RNF220: variants seen among roughly 807,000 people sequenced by gnomAD.
RNF220 encodes E3 ubiquitin-protein ligase RNF220.
RNF220 carries 7 observed loss-of-function variants against 67.1 expected under a neutral mutation model. The ratio of observed to expected loss-of-function variants is 0.10; its 90% CI spans 0.06 to 0.20. The LOEUF (loss-of-function observed/expected upper bound fraction) is 0.20, where lower values mean the gene tolerates loss of function less well. Ranked by LOEUF, RNF220 falls within the 10% of genes least tolerant of loss-of-function variation. The pLI is 1.00. For synonymous variants in RNF220, 270 were observed against 283.2 expected (o/e 0.95, Z 0.47); for missense variants, 565 against 740.3 (o/e 0.76, Z 2.75).
chr1:44,555,215 A>ACGACAC (rs1321141078), intron 2 of RNF220, among the ~76,000 whole-genome samples: 1 of 151,900 alleles, frequency 6.6e-6, no homozygotes, highest in Non-Finnish European at 1.5e-5. Context: ...CCACAGGCAC[A>ACGACAC]CGACACCACG....
chr1:44,637,862 G>A (rs973783293), intron 8 of RNF220, among the ~76,000 whole-genome samples: 7 of 152,250 alleles, frequency 4.6e-5, no homozygotes, highest in Non-Finnish European at 8.8e-5. Context: ...AACAGGGGCC[G>A]GAGGTGCCTT....
At chr1:44,641,749 A>T (rs759917975) in intron 8 of RNF220, among the ~76,000 whole-genome samples, 2 of 152,250 alleles carry the variant, frequency 1.3e-5, no homozygotes, top group Non-Finnish European at 1.5e-5. Context: ...AATTGGCAGC[A>T]GCAGCCTGTT....
At position 44,614,105 on chromosome 1, in the gene RNF220, T is replaced by C. The variant is rs570474861; in HGVS notation, c.626-60T>C. 6.5e-5 allele frequency: 104 copies of C among 1,602,988 alleles called. No individual in the cohort carries two copies. The South Asian group carries it at 1.1e-3, about 16-fold the overall frequency. ...GGCTTGGGTTTCAGGACTGGGATGC[T>C]GGGTCTGCCTCCTGGACTAGCCCAG... On this transcript the variant is annotated intron_variant, in intron 2 of 14. Transcript: ENST00000361799.
chr1:44,559,378 T>C (rs1190116384), intron 2 of RNF220, among the ~76,000 whole-genome samples: 1 of 152,250 alleles, frequency 6.6e-6, no homozygotes, highest in Middle Eastern at 3.2e-3. Context: ...TGCTAAGCTT[T>C]TTCCTGGGAA....
intron 2 of RNF220, among the ~76,000 whole-genome samples, chr1:44,493,007 C>T (rs1656994194): frequency 6.6e-6 from 1 of 151,936 alleles, no homozygotes; most frequent in East Asian, 1.9e-4. Context: ...TTCTTCTTGC[C>T]TCAGCTTCCT....
intron 2 of RNF220, among the ~76,000 whole-genome samples, chr1:44,596,337 G>A (rs1304951312): frequency 6.6e-6 from 1 of 152,166 alleles, no homozygotes; most frequent in Admixed American, 6.5e-5. Context: ...TGAGGCAGGT[G>A]GATCACCTGA....
intron 2 of RNF220, among the ~76,000 whole-genome samples, chr1:44,541,152 G>A (rs1661641265): frequency 6.6e-6 from 1 of 152,320 alleles, no homozygotes; most frequent in East Asian, 1.9e-4. Flanking sequence ...AGTAGGCCTT[G>A]AGTGGTGGCT....
intron 2 of RNF220, among the ~76,000 whole-genome samples, chr1:44,517,990 C>T (rs1659588242): frequency 6.6e-6 from 1 of 152,118 alleles, no homozygotes; most frequent in African/African-American, 2.4e-5. Flanking sequence ...ACCTGTAATT[C>T]CAGCTACTTG....
rs779880417 is a variant in RNF220, at chr1:44,412,070, G to C, written c.-28G>C. Reference sequence around the variant, plus strand: ...CCTCCCAGGGAAGACTGCTTCTTGCGTAACGCCGGCCACAGAAAGAGACTC... The same window carrying C: ...CCTCCCAGGGAAGACTGCTTCTTGCCTAACGCCGGCCACAGAAAGAGACTC... On this transcript the variant is annotated 5_prime_UTR_variant, in exon 2 of 15. Coordinates refer to ENST00000361799, the MANE Select transcript of RNF220 (RefSeq NM_018150.4). The surrounding 1 kb of genome is among the most constrained non-coding windows in gnomAD (Gnocchi z 5.3). The C allele has an allele frequency of 1.9e-6, 3 of 1,586,298 alleles. No homozygotes were observed. The highest frequency in any genetic ancestry group is 1.3e-5 in the African/African-American group (1 of 74,168).
At chr1:44,497,745 TC>T (rs1657469188) in intron 2 of RNF220, among the ~76,000 whole-genome samples, 1 of 152,182 alleles carries the variant, frequency 6.6e-6, no homozygotes, top group African/African-American at 2.4e-5. Context: ...ACAATTCCCC[TC>T]ATCCCTGGTT....
intron 1 of RNF220, among the ~76,000 whole-genome samples, chr1:44,407,563 C>T (rs1039151799): frequency 6.6e-6 from 1 of 152,052 alleles, no homozygotes; most frequent in Non-Finnish European, 1.5e-5. Flanking sequence ...AGGCCGAGGA[C>T]GGGGCGGCGC....
intron 2 of RNF220, among the ~76,000 whole-genome samples, chr1:44,420,327 G>C (rs1260789605): frequency 6.6e-6 from 1 of 152,238 alleles, no homozygotes; most frequent in Non-Finnish European, 1.5e-5. Context: ...TACCAGGCAA[G>C]AGTTGTCTTT....
At position 44,650,539 on chromosome 1, in the gene RNF220, G is replaced by A. The variant is rs1040568190; in HGVS notation, c.1630-165G>A. 19 of 675,508 alleles carry A rather than the reference G, an allele frequency of 2.8e-5. No individual in the cohort carries two copies. Among genetic ancestry groups the A allele is most frequent in the South Asian group, 5.2e-5 (3 of 58,102 alleles). The allele number at this position is 675,508 out of a possible 1,614,324, so 41.8% of individuals were successfully genotyped here. On this transcript the variant is annotated intron_variant, in intron 14 of 14. Coordinates refer to ENST00000361799, the MANE Select transcript of RNF220 (RefSeq NM_018150.4). The surrounding 1 kb of genome is among the most constrained non-coding windows in gnomAD (Gnocchi z 4.3). ...CCTGGCGTCCCCCCAACACAGGAGC[G>A]TGCCTGCCTGCTCACAGAAGCTGCC... is the stretch of plus-strand genomic sequence containing the variant.
Position 44,650,162 on chromosome 1 carries a change from C to T in RNF220, c.1629+205C>T, listed in dbSNP as rs1395969499. Reference sequence around the variant, plus strand: ...ACTGCAGGTTTAGGAACTTCTCCCCCTCCATGAGTTCACTGCATTCTCCCT... The same window carrying T: ...ACTGCAGGTTTAGGAACTTCTCCCCTTCCATGAGTTCACTGCATTCTCCCT... On this transcript the variant is annotated intron_variant, in intron 14 of 14. Coordinates refer to ENST00000361799, the MANE Select transcript of RNF220 (RefSeq NM_018150.4). The surrounding 1 kb of genome is among the most constrained non-coding windows in gnomAD (Gnocchi z 4.3). 4.9e-6 allele frequency: 3 copies of T among 610,196 alleles called. No individual in the cohort carries two copies. Among genetic ancestry groups the T allele is most frequent in the Non-Finnish European group, 8.6e-6 (3 of 346,898 alleles). 37.8% of individuals were successfully genotyped at this position (610,196 alleles called of 1,614,324 possible).
At chr1:44,532,587 A>G (rs1351523489) in intron 2 of RNF220, among the ~76,000 whole-genome samples, 3 of 152,216 alleles carry the variant, frequency 2.0e-5, no homozygotes, top group Non-Finnish European at 2.9e-5. Flanking sequence ...TGAATAGCTT[A>G]TAAGAGGCCG....
chr1:44,502,864 C>G (rs1377766670), intron 2 of RNF220, among the ~76,000 whole-genome samples: 5 of 152,106 alleles, frequency 3.3e-5, no homozygotes, highest in Admixed American at 1.3e-4. Flanking sequence ...TTCCTGTGCT[C>G]AAGCGATCCT....
chr1:44,612,092 G>A (rs549864735), intron 2 of RNF220, among the ~76,000 whole-genome samples: 20 of 152,282 alleles, frequency 1.3e-4, no homozygotes, highest in South Asian at 8.3e-4. Flanking sequence ...CCGAGCATCT[G>A]AGGCACAGCC....
chr1:44,407,156 C>G (rs989712645), intron 1 of RNF220, among the ~76,000 whole-genome samples: 5 of 152,120 alleles, frequency 3.3e-5, no homozygotes, highest in African/African-American at 1.2e-4. Context: ...CTGGGGTCTG[C>G]GCCGGCCCAC....
At chr1:44,572,035 C>T (rs893909255) in intron 2 of RNF220, among the ~76,000 whole-genome samples, 5 of 152,244 alleles carry the variant, frequency 3.3e-5, no homozygotes, top group Non-Finnish European at 7.3e-5. Flanking sequence ...GTGACTGGGA[C>T]AGCCTCCAGC....
Sources: allele counts gnomAD v4.1 joint callset (sites outside exome capture counted in the v4.1 genomes callset), GRCh38; gene constraint gnomAD v4.1.1; non-coding constraint Gnocchi (gnomAD v3.1); transcripts MANE v1.5; gene names NCBI Gene and HGNC (gene_info 2026-07-23, HGNC 2026-07-21).